RMDN2: variants seen among roughly 807,000 people sequenced by gnomAD.
The protein encoded by RMDN2 is regulator of microtubule dynamics protein 2.
Under a neutral mutation model 52.8 loss-of-function variants are expected in RMDN2, and 61 were observed. The observed-to-expected ratio is 1.16, with a 90% confidence interval of 0.94 to 1.43. The LOEUF (loss-of-function observed/expected upper bound fraction) is 1.43, where lower values mean the gene tolerates loss of function less well. Ranked by LOEUF, RMDN2 falls within the 40% of genes most tolerant of loss-of-function variation. The pLI is 0.00. For synonymous variants in RMDN2, 180 were observed against 153.1 expected, an observed-to-expected ratio of 1.18 and a Z score of -1.30; for missense variants, 592 against 475.3, an observed-to-expected ratio of 1.25 and a Z score of -2.28.
intron 8 of RMDN2, among the ~76,000 whole-genome samples, chr2:38,003,525 C>T (rs888735337): frequency 1.4e-5 from 2 of 146,816 alleles, no homozygotes; most frequent in Non-Finnish European, 3.0e-5. Flanking sequence ...TGCACTCCAG[C>T]CTGGGCAACA....
At chr2:37,990,637 G>T (rs1287114109) in intron 6 of RMDN2, among the ~76,000 whole-genome samples, 2 of 151,540 alleles carry the variant, frequency 1.3e-5, no homozygotes, top group African/African-American at 4.9e-5. Flanking sequence ...GGAAAAGTAG[G>T]ATCCAATGTA....
rs1245967445 is a variant in RMDN2, at chr2:38,056,577, A to G, written c.1714-10405A>G. Among the ~76,000 whole-genome samples, 6 of 152,230 alleles carry G rather than the reference A, an allele frequency of 3.9e-5. No homozygotes were observed. In the East Asian group the frequency reaches 1.2e-3, roughly 29 times the overall value. The stretch of plus-strand genomic sequence containing the variant: ...GGATGATCTGAATGTATATAAAACT[A>G]TATTACACTTGATTTACTGTGCTCA... On this transcript the variant is annotated intron_variant, in intron 10 of 10. Transcript: ENST00000234195.
chr2:37,953,926 A>G lies in RMDN2; in HGVS notation c.453-20114A>G, dbSNP rs148430106. On this transcript the variant is annotated intron_variant, in intron 2 of 10. Transcript: ENST00000354545. ...GAGGTGGTATCTCATTGTGGTTTTT[A>G]TTTGAATATCCCTAATGATTAGTGA... Among the ~76,000 whole-genome samples the G allele has an allele frequency of 6.4e-3, 975 of 152,026 alleles. 9 individuals are homozygous for G. The highest frequency in any genetic ancestry group is 0.022 in the African/African-American group (923 of 41,484).
At chr2:37,951,895 A>G (rs753635611) in intron 2 of RMDN2, 10 of 1,611,784 alleles carry the variant, frequency 6.2e-6, no homozygotes, top group Middle Eastern at 1.7e-4. Flanking sequence ...TCTCCCGATC[A>G]ACAAAATGGA....
chr2:37,950,667 C>T, intron 2 of RMDN2: 3 of 1,449,386 alleles, frequency 2.1e-6, no homozygotes, highest in Non-Finnish European at 2.9e-6. Flanking sequence ...AGCTTTAGTG[C>T]TCTCCTTTGT....
intron 10 of RMDN2, among the ~76,000 whole-genome samples, chr2:38,014,454 T>G (rs758536133): frequency 6.6e-6 from 1 of 152,228 alleles, no homozygotes; most frequent in African/African-American, 2.4e-5. Context: ...AAGAAGTTTC[T>G]TAGAACCCTT....
chr2:37,990,683 G>C (rs1674668881), intron 6 of RMDN2, among the ~76,000 whole-genome samples: 1 of 152,030 alleles, frequency 6.6e-6, no homozygotes, highest in South Asian at 2.1e-4. Flanking sequence ...AATAAAGTAA[G>C]TAATACACAC....
chr2:38,059,599 G>A (rs1681962450), intron 10 of RMDN2, among the ~76,000 whole-genome samples: 1 of 152,216 alleles, frequency 6.6e-6, no homozygotes. Context: ...AGAAAAAGTA[G>A]AGCAAGGTAG....
chr2:38,036,327 A>G (rs1248634036), intron 10 of RMDN2: 1 of 152,244 alleles, frequency 6.6e-6, no homozygotes, highest in East Asian at 1.9e-4. Context: ...GAAATGACAG[A>G]TGTGAGTACA....
At chr2:38,043,584 T>C (rs1681093713) in intron 10 of RMDN2, among the ~76,000 whole-genome samples, 1 of 152,150 alleles carries the variant, frequency 6.6e-6, no homozygotes, top group African/African-American at 2.4e-5. Context: ...TCCCCTCTTC[T>C]TCTGCCTTCT....
At chr2:37,947,301 C>G (rs556091335) in intron 2 of RMDN2, among the ~76,000 whole-genome samples, 1 of 152,188 alleles carries the variant, frequency 6.6e-6, no homozygotes, top group Non-Finnish European at 1.5e-5. Context: ...TAGTATTTGA[C>G]TTTCTGTTTC....
intron 7 of RMDN2, among the ~76,000 whole-genome samples, chr2:37,995,918 T>A (rs1992735): frequency 0.43 from 66,014 of 152,090 alleles, 16,137 homozygotes; most frequent in East Asian, 0.77. Flanking sequence ...ATGAGGTGTT[T>A]CAAGGATATG....
intron 10 of RMDN2, chr2:38,029,593 A>T (rs1199812301): frequency 1.3e-5 from 2 of 150,714 alleles, no homozygotes; most frequent in Admixed American, 6.6e-5. Flanking sequence ...AAAACATTTC[A>T]CGTGTTCCTA....
intron 4 of RMDN2, among the ~76,000 whole-genome samples, chr2:37,976,649 T>C (rs1672503127): frequency 6.6e-6 from 1 of 152,040 alleles, no homozygotes; most frequent in African/African-American, 2.4e-5. Context: ...CTTTGTGGAG[T>C]TTTTCTGTAG....
Position 37,929,734 on chromosome 2 carries a change from G to C in RMDN2, c.452+5G>C. 1 of 1,484,462 alleles carries C rather than the reference G, an allele frequency of 6.7e-7. No homozygotes were observed. Among genetic ancestry groups the C allele is most frequent in the Non-Finnish European group, 8.9e-7 (1 of 1,117,738 alleles). The allele number at this position is 1,484,462 out of a possible 1,614,324, so 92.0% of individuals were successfully genotyped here. A position where few individuals can be genotyped will look rare whatever the true frequency, so the allele number is the denominator to read the frequency against. On this transcript the variant is annotated splice_donor_5th_base_variant and intron_variant, in intron 2 of 10. Transcript: ENST00000354545. ...GGAAGCAGAAAGTGAAGGAGGGTAA[G>C]TTTCTTTAAGATATTTCCTATGTTG...
chr2:37,996,113 T>G (rs1675499554), intron 7 of RMDN2, among the ~76,000 whole-genome samples: 1 of 152,198 alleles, frequency 6.6e-6, no homozygotes, highest in Non-Finnish European at 1.5e-5. Flanking sequence ...TTTAAATGAC[T>G]GAACTTCAGT....
At chr2:37,997,305 T>G in intron 7 of RMDN2, 111 bp from the exon 8 acceptor site, 1 of 715,728 alleles carries the variant, frequency 1.4e-6, no homozygotes, top group Non-Finnish European at 2.5e-6. Context: ...ATGTTATATC[T>G]ATACACACAC....
Position 37,952,327 on chromosome 2 carries a change from TGAA to T in RMDN2, c.453-21707_453-21705del, listed in dbSNP as rs571068460. 36 of 865,968 alleles carry T rather than the reference TGAA, an allele frequency of 4.2e-5. No individual in the cohort carries two copies. The South Asian group carries it at 6.1e-4, about 15-fold the overall frequency. The allele number at this position is 865,968 out of a possible 1,614,324, so 53.6% of individuals were successfully genotyped here. A position where few individuals can be genotyped will look rare whatever the true frequency, so the allele number is the denominator to read the frequency against. ...CCTCACAAAGCTTCACTGCATTTTC[TGAA>T]GAAGATTCCTACATTGCAGTGTAAA... On this transcript the variant is annotated intron_variant, in intron 2 of 10. Coordinates refer to ENST00000354545, the MANE Select transcript of RMDN2 (RefSeq NM_001170791.3).
chr2:37,998,232 A>G (rs1020909783), intron 8 of RMDN2: 7 of 152,214 alleles, frequency 4.6e-5, no homozygotes, highest in African/African-American at 1.4e-4. Context: ...CAAGTTTACA[A>G]AAATACAGAC....
Sources: gnomAD v4.1 joint callset for allele counts (sites outside exome capture counted in the v4.1 genomes callset) on GRCh38, gnomAD v4.1.1 for gene constraint, MANE v1.5 for transcripts, NCBI Gene and HGNC (gene_info 2026-07-23, HGNC 2026-07-21) for gene names.